Variants in FBXL13 observed in about 807,000 individuals in gnomAD.
FBXL13 encodes the protein F-box and leucine-rich repeat protein 13.
Under a neutral mutation model 83.6 loss-of-function variants are expected in FBXL13, and 67 were observed. The observed-to-expected ratio is 0.80, with a 90% CI of 0.66 to 0.98. The LOEUF (loss-of-function observed/expected upper bound fraction) is 0.98. FBXL13 is among the 50% of genes least tolerant of loss of function. FBXL13 has a pLI of 0.00. For missense variants in FBXL13, 822 were observed against 866.5 expected (o/e 0.95, Z 0.64); for synonymous variants, 272 against 299.5 (o/e 0.91, Z 0.95).
At chr7:102,876,367 A>G in intron 16 of FBXL13, among the ~76,000 whole-genome samples, 1 of 152,168 alleles carries the variant, frequency 6.6e-6, no homozygotes, top group East Asian at 1.9e-4. Flanking sequence ...CCCTGCCATA[A>G]TGAGTTGACT....
intron 16 of FBXL13, among the ~76,000 whole-genome samples, chr7:102,858,918 C>A (rs529107659): frequency 6.6e-6 from 1 of 152,142 alleles, no homozygotes; most frequent in Admixed American, 6.5e-5. Context: ...GAATTAGATT[C>A]TAGTGGTAGT....
chr7:102,855,505 A>G (rs1325917524), intron 16 of FBXL13, among the ~76,000 whole-genome samples: 1 of 152,084 alleles, frequency 6.6e-6, no homozygotes, highest in Non-Finnish European at 1.5e-5. Context: ...CTGGCACAAC[A>G]CTCAGATAAG....
At chr7:103,032,822 G>A (rs994438518) in intron 2 of FBXL13, among the ~76,000 whole-genome samples, 2 of 152,118 alleles carry the variant, frequency 1.3e-5, no homozygotes, top group Non-Finnish European at 2.9e-5. Flanking sequence ...TCGAGCTCAC[G>A]ACTTAAAGAG....
intron 2 of FBXL13, among the ~76,000 whole-genome samples, chr7:103,054,040 A>G (rs1038447921): frequency 1.3e-5 from 2 of 152,068 alleles, no homozygotes; most frequent in African/African-American, 4.8e-5. Context: ...TTCAACATCC[A>G]ACTTCAGTAG....
At chr7:103,015,308 C>A (rs1429587016) in intron 6 of FBXL13, among the ~76,000 whole-genome samples, 2 of 152,162 alleles carry the variant, frequency 1.3e-5, no homozygotes, top group East Asian at 3.9e-4. Context: ...TCTCTCATCA[C>A]TCCTATTCAA....
At position 102,929,086 on chromosome 7, in the gene FBXL13, T is replaced by G. The variant is rs1424671755; in HGVS notation, c.778-2712A>C. On this transcript the variant is annotated intron_variant, in intron 9 of 19. Transcript: ENST00000313221. Reference sequence around the variant, plus strand: ...TTCTGCTGGACAGGGATTAAACAACTAATTTAAATGCTGACTCTGTGTGTT... The same window carrying G: ...TTCTGCTGGACAGGGATTAAACAACGAATTTAAATGCTGACTCTGTGTGTT... 3.3e-5 allele frequency among the ~76,000 whole-genome samples: 5 copies of G among 152,188 alleles called. No homozygotes were observed. In the East Asian group the frequency reaches 9.6e-4, roughly 29 times the overall value.
At chr7:103,006,202 T>A (rs1790973022) in intron 6 of FBXL13, among the ~76,000 whole-genome samples, 1 of 152,106 alleles carries the variant, frequency 6.6e-6, no homozygotes, top group Admixed American at 6.5e-5. Context: ...GGAGTTCAAG[T>A]TTGTTGAGGC....
chr7:103,042,426 C>T (rs1795821163), intron 2 of FBXL13, among the ~76,000 whole-genome samples: 1 of 152,076 alleles, frequency 6.6e-6, no homozygotes, highest in African/African-American at 2.4e-5. Context: ...TCAATGCTAT[C>T]CCCATCAAGC....
chr7:102,843,771 G>A (rs1454373087), intron 17 of FBXL13, among the ~76,000 whole-genome samples: 1 of 152,140 alleles, frequency 6.6e-6, no homozygotes, highest in South Asian at 2.1e-4. Context: ...GCGAGACTCC[G>A]TCTTAATAAA....
chr7:102,944,323 AGAGATAACCCTTG>A, intron 8 of FBXL13: 1 of 1,614,128 alleles, frequency 6.2e-7, no homozygotes, highest in Non-Finnish European at 8.5e-7. Context: ...CTTGTGGCTC[AGAGATAACCCTTG>A]GAGATGTGAC....
intron 6 of FBXL13, among the ~76,000 whole-genome samples, chr7:102,987,229 A>C (rs1336415625): frequency 6.6e-6 from 1 of 152,148 alleles, no homozygotes; most frequent in East Asian, 1.9e-4. Flanking sequence ...GGTACCCTAA[A>C]ATTTCAGATT....
chr7:102,857,060 G>T (rs1432826541), intron 16 of FBXL13, among the ~76,000 whole-genome samples: 1 of 151,756 alleles, frequency 6.6e-6, no homozygotes, highest in African/African-American at 2.4e-5. Flanking sequence ...CTAGACTCCT[G>T]TATCTCCATA....
chr7:103,038,236 C>G (rs768302057), intron 2 of FBXL13, among the ~76,000 whole-genome samples: 3 of 152,236 alleles, frequency 2.0e-5, no homozygotes, highest in Non-Finnish European at 4.4e-5. Context: ...TGCGACACTG[C>G]AGATTGGCGG....
intron 2 of FBXL13, among the ~76,000 whole-genome samples, chr7:103,039,846 C>T (rs566651799): frequency 1.3e-5 from 2 of 152,140 alleles, no homozygotes; most frequent in South Asian, 4.2e-4. Context: ...TGGAAAGGAA[C>T]AACCGGTACC....
intron 8 of FBXL13, among the ~76,000 whole-genome samples, 178 bp downstream of exon 9, chr7:102,963,355 C>A (rs1217556916): frequency 1.8e-4 from 27 of 151,806 alleles, no homozygotes. Flanking sequence ...AACCAACTCC[C>A]AGGGCATGCA....
chr7:102,883,523 T>C, intron 13 of FBXL13, 45 bp downstream of exon 14: 2 of 1,587,262 alleles, frequency 1.3e-6, no homozygotes, highest in Non-Finnish European at 8.6e-7. Context: ...GCCACAAGAG[T>C]AAAAGTAAAC....
chr7:102,950,993 T>A (rs945566096), intron 8 of FBXL13, among the ~76,000 whole-genome samples: 4 of 152,172 alleles, frequency 2.6e-5, no homozygotes, highest in African/African-American at 4.8e-5. Flanking sequence ...GAACCCTATA[T>A]AAACTATGGA....
chr7:102,890,984 G>A lies in FBXL13; in HGVS notation c.1009-6672C>T, dbSNP rs144038118. Among the ~76,000 whole-genome samples, 119 of 152,320 alleles carry A rather than the reference G, an allele frequency of 7.8e-4. 1 individual carries two copies. The highest frequency in any genetic ancestry group is 4.6e-3 in the South Asian group (22 of 4,832). On this transcript the variant is annotated intron_variant, in intron 11 of 19. Transcript: ENST00000313221. ...ATGTCCTCTTAGTGAACTCAAAGGAGCCTGACTTAGCAAGTAGAATGAACT... is the reference window on the plus strand; with the variant it reads ...ATGTCCTCTTAGTGAACTCAAAGGAACCTGACTTAGCAAGTAGAATGAACT...
At chr7:102,870,345 T>C (rs1343157527) in intron 16 of FBXL13, among the ~76,000 whole-genome samples, 5 of 152,282 alleles carry the variant, frequency 3.3e-5, no homozygotes, top group African/African-American at 1.2e-4. Context: ...AAAGAAAGAA[T>C]GAATCCATAA....
Sources: gnomAD v4.1 joint callset for allele counts (sites outside exome capture counted in the v4.1 genomes callset) on GRCh38, gnomAD v4.1.1 for gene constraint, MANE v1.5 for transcripts, NCBI Gene and HGNC (gene_info 2026-07-23, HGNC 2026-07-21) for gene names.